The following RGL1 variants were observed in gnomAD, a reference collection of about 807,000 sequenced individuals.
RGL1 encodes the protein ral guanine nucleotide dissociation stimulator-like 1.
Under a neutral mutation model 95.2 loss-of-function variants are expected in RGL1, and 24 were observed. That is an observed-to-expected ratio of 0.25 (90% CI 0.18 to 0.35). The LOEUF (loss-of-function observed/expected upper bound fraction) is 0.35, where lower values mean the gene tolerates loss of function less well. Ranked by LOEUF, RGL1 falls within the 10% of genes least tolerant of loss-of-function variation. The pLI is 1.00. For synonymous variants in RGL1, 329 were observed against 344.9 expected, an observed-to-expected ratio of 0.95 and a Z score of 0.51; for missense variants, 715 against 936.3, an observed-to-expected ratio of 0.76 and a Z score of 3.08.
At chr1:183,693,366 T>G (rs1464758103) in intron 1 of RGL1, among the ~76,000 whole-genome samples, 1 of 152,074 alleles carries the variant, frequency 6.6e-6, no homozygotes, top group East Asian at 1.9e-4. Flanking sequence ...TGTTTCTGAA[T>G]GTCTTAGGTT....
intron 1 of RGL1, chr1:183,653,438 C>T (rs983718998): frequency 6.6e-6 from 1 of 152,268 alleles, no homozygotes; most frequent in Non-Finnish European, 1.5e-5. Context: ...GACTGCATAT[C>T]CCAGTCTGGG....
intron 1 of RGL1, among the ~76,000 whole-genome samples, chr1:183,688,248 G>C (rs958090967): frequency 2.0e-5 from 3 of 152,136 alleles, no homozygotes; most frequent in Non-Finnish European, 4.4e-5. Context: ...TGGCTACAAA[G>C]ATGCCAAGAT....
intron 2 of RGL1, among the ~76,000 whole-genome samples, chr1:183,790,359 T>G (rs1229525243): frequency 3.9e-5 from 6 of 152,196 alleles, no homozygotes; most frequent in African/African-American, 1.4e-4. Flanking sequence ...CAAAGCCAGT[T>G]TAATTTCTTT....
chr1:183,794,348 T>A (rs1007638194), intron 2 of RGL1, among the ~76,000 whole-genome samples: 4 of 152,194 alleles, frequency 2.6e-5, no homozygotes, highest in Admixed American at 1.3e-4. Flanking sequence ...TTGGAAGGAT[T>A]AAGTTTTAGT....
rs552296462 is a variant in RGL1, at chr1:183,800,077, A to G, written c.133-6298A>G. Reference sequence around the variant, plus strand: ...CAGACTCTTGGTTGGCAAGTCATCCAGAGCTGGAATTTAAACTCATATGCC... The same window carrying G: ...CAGACTCTTGGTTGGCAAGTCATCCGGAGCTGGAATTTAAACTCATATGCC... On this transcript the variant is annotated intron_variant, in intron 2 of 18. Transcript: ENST00000304685. Among the ~76,000 whole-genome samples the G allele has an allele frequency of 1.2e-4, 19 of 152,352 alleles. 1 individual carries two copies. In the South Asian group the frequency reaches 3.9e-3, roughly 32 times the overall value.
intron 1 of RGL1, among the ~76,000 whole-genome samples, chr1:183,722,566 A>G (rs1656070469): frequency 6.6e-6 from 1 of 152,198 alleles, no homozygotes; most frequent in African/African-American, 2.4e-5. Context: ...AATTCTGACA[A>G]AAATCTTAAA....
intron 8 of RGL1, among the ~76,000 whole-genome samples, chr1:183,891,733 G>GTTTTTT (rs57974956): frequency 1.8e-4 from 22 of 123,946 alleles, no homozygotes; most frequent in Non-Finnish European, 2.4e-4. Flanking sequence ...GTGTGTAACA[G>GTTTTTT]TTTTTTTTTT....
chr1:183,660,252 C>G (rs1400409305), intron 1 of RGL1, among the ~76,000 whole-genome samples: 1 of 152,130 alleles, frequency 6.6e-6, no homozygotes, highest in African/African-American at 2.4e-5. Context: ...AATTAAAAGA[C>G]ACAGACTGGC....
intron 2 of RGL1, among the ~76,000 whole-genome samples, chr1:183,752,654 T>A (rs1658082390): frequency 8.9e-6 from 1 of 111,772 alleles, no homozygotes; most frequent in Non-Finnish European, 1.8e-5. Flanking sequence ...GGTCTAACAG[T>A]AACACATCTC....
rs1219317520 is a variant in RGL1, at chr1:183,740,629, A to G, written c.-32-1497A>G. Among the ~76,000 whole-genome samples, 3 of 152,192 alleles carry G rather than the reference A, an allele frequency of 2.0e-5. No homozygotes were observed. The East Asian group carries it at 5.8e-4, about 29-fold the overall frequency. On this transcript the variant is annotated intron_variant, in intron 1 of 18. Transcript: ENST00000304685. The stretch of plus-strand genomic sequence containing the variant: ...CCAGCCTGTTGTTAACGAATGAGCA[A>G]TATCGTCTTGCATTATAAGCTGCTT...
intron 11 of RGL1, among the ~76,000 whole-genome samples, chr1:183,900,609 A>G (rs990506699): frequency 8.5e-5 from 13 of 152,052 alleles, no homozygotes; most frequent in African/African-American, 3.1e-4. Flanking sequence ...GGTTCAAGCA[A>G]TTCTCCTGCC....
intron 1 of RGL1, among the ~76,000 whole-genome samples, chr1:183,711,513 T>C (rs1341970605): frequency 1.3e-5 from 2 of 152,144 alleles, no homozygotes; most frequent in Non-Finnish European, 2.9e-5. Context: ...AGTGAAATAC[T>C]ATAGCCCACT....
chr1:183,902,579 A>C lies in RGL1; in HGVS notation c.1329A>C (p.Ile443=). 1 of 1,611,220 alleles carries C rather than the reference A, an allele frequency of 6.2e-7. No homozygotes were observed. The highest frequency in any genetic ancestry group is 8.5e-7 in the Non-Finnish European group (1 of 1,179,060). ...AAAATTTCTTTTAGGGTGGACTGAT[A>C]AACTTTGAGAAAAGGAGAAGGGTAA... ...ALQDYIEGGL[I]NFEKRRREFE... Residue 443 remains isoleucine (I), a synonymous_variant, in exon 12 of 18, where the codon ATA becomes ATC. Coordinates refer to ENST00000360851, the MANE Select transcript of RGL1 (RefSeq NM_001297671.3).
chr1:183,898,959 TG>T (rs1221154177), intron 10 of RGL1, among the ~76,000 whole-genome samples: 1 of 152,232 alleles, frequency 6.6e-6, no homozygotes, highest in Non-Finnish European at 1.5e-5. Flanking sequence ...AAGGGATCCA[TG>T]GGGACCGCTT....
intron 1 of RGL1, among the ~76,000 whole-genome samples, chr1:183,682,729 T>C (rs1653304699): frequency 6.6e-6 from 1 of 152,146 alleles, no homozygotes; most frequent in Admixed American, 6.5e-5. Context: ...ACTTGTTAAT[T>C]TTCTGTCTCA....
intron 14 of RGL1, among the ~76,000 whole-genome samples, chr1:183,909,630 G>A (rs1187230277): frequency 1.3e-5 from 2 of 152,152 alleles, no homozygotes; most frequent in African/African-American, 2.4e-5. Context: ...AGATAGCAGG[G>A]TAGAGATAAG....
intron 4 of RGL1, among the ~76,000 whole-genome samples, chr1:183,879,007 A>G (rs1440680761): frequency 1.3e-5 from 2 of 152,206 alleles, no homozygotes; most frequent in African/African-American, 4.8e-5. Flanking sequence ...TGTAAATGCA[A>G]ATATCAGGTT....
chr1:183,812,695 G>A (rs1377517789), intron 2 of RGL1, among the ~76,000 whole-genome samples: 1 of 152,244 alleles, frequency 6.6e-6, no homozygotes, highest in Non-Finnish European at 1.5e-5. Context: ...AGTCCAGGAA[G>A]CCTGCACAGA....
At chr1:183,867,302 C>G (rs546923314) in intron 4 of RGL1, among the ~76,000 whole-genome samples, 5 of 152,078 alleles carry the variant, frequency 3.3e-5, no homozygotes, top group African/African-American at 1.2e-4. Context: ...GAGCGTCTGG[C>G]AGAGGAGACT....
Sources: gnomAD v4.1 joint callset for allele counts (sites outside exome capture counted in the v4.1 genomes callset) on GRCh38, gnomAD v4.1.1 for gene constraint, MANE v1.5 for transcripts, NCBI Gene and HGNC (gene_info 2026-07-23, HGNC 2026-07-21) for gene names.